Variants in BBS2 observed in about 807,000 individuals in gnomAD.
BBS2 encodes the protein BBSome complex member BBS2.
Under a neutral mutation model 83.0 loss-of-function variants are expected in BBS2, and 62 were observed. The observed-to-expected ratio is 0.75, with a 90% CI of 0.61 to 0.92. The LOEUF (loss-of-function observed/expected upper bound fraction) is 0.92. Ranked by LOEUF, BBS2 falls within the 40% of genes least tolerant of loss-of-function variation. The pLI, the probability that BBS2 is intolerant of heterozygous loss-of-function variation, is 0.00. For synonymous variants in BBS2, 303 were observed against 326.1 expected (o/e 0.93, Z 0.76); for missense variants, 784 against 901.0 (o/e 0.87, Z 1.66).
chr16:56,511,793 T>C (rs1364707378), intron 2 of BBS2, among the ~76,000 whole-genome samples: 12 of 152,330 alleles, frequency 7.9e-5, no homozygotes, highest in African/African-American at 2.9e-4. Context: ...AAAAACGATG[T>C]GACCTTGAAA....
chr16:56,518,915 T>C (rs1465261734), intron 1 of BBS2, among the ~76,000 whole-genome samples: 1 of 151,160 alleles, frequency 6.6e-6, no homozygotes, highest in Non-Finnish European at 1.5e-5. Flanking sequence ...TCGCACATAG[T>C]AAACACCTAA....
chr16:56,498,012 A>G, intron 13 of BBS2, 132 bp from the exon 14 acceptor site: 6 of 968,570 alleles, frequency 6.2e-6, no homozygotes, highest in South Asian at 1.6e-5. Flanking sequence ...TTGAAAAAGG[A>G]AAGTTTAGCT....
intron 17 of BBS2, chr16:56,477,465 G>A (rs903914395): frequency 6.6e-6 from 1 of 152,200 alleles, no homozygotes; most frequent in South Asian, 2.1e-4. Context: ...TGCAATTGTG[G>A]CCTGTGTATA....
chr16:56,482,952 T>C (rs764950695), downstream of BBS2, among the ~76,000 whole-genome samples: 3 of 152,204 alleles, frequency 2.0e-5, no homozygotes, highest in African/African-American at 4.8e-5. Context: ...TGTTTCCCTC[T>C]TACTCTCTTC....
chr16:56,519,746 C>T lies in BBS2; in HGVS notation c.117G>A (p.Lys39=), dbSNP rs755877218. 7 of 1,612,506 alleles carry T rather than the reference C, an allele frequency of 4.3e-6. No individual in the cohort carries two copies. Among genetic ancestry groups the T allele is most frequent in the African/African-American group, 1.3e-5 (1 of 75,024 alleles). ...PCLAAATQTG[K]VFIHNPHTRN... ...GCTCCCTGCGGGTGGGAGCGGTTAC[C>T]TTGCCCGTTTGGGTGGCGGCCGCCA... The change falls in exon 1 of 17, where the codon AAG becomes AAA. Residue 39 remains lysine, a splice_region_variant and synonymous_variant. Transcript: ENST00000245157.
At chr16:56,509,910 GATCT>G in intron 5 of BBS2, 43 bp downstream of exon 5, 1 of 1,585,870 alleles carries the variant, frequency 6.3e-7, no homozygotes, top group Non-Finnish European at 8.7e-7. Flanking sequence ...TGACAGTACT[GATCT>G]ATCTTGCTCA....
chr16:56,493,043 T>C (rs1304603153), intron 15 of BBS2, among the ~76,000 whole-genome samples: 2 of 152,066 alleles, frequency 1.3e-5, no homozygotes, highest in Admixed American at 6.5e-5. Flanking sequence ...ATGAGATGTA[T>C]TTCTCTACAC....
intron 15 of BBS2, among the ~76,000 whole-genome samples, chr16:56,490,130 A>ACG (rs1963904818): frequency 1.2e-5 from 1 of 86,796 alleles, no homozygotes; most frequent in African/African-American, 5.8e-5. Flanking sequence ...ACACACACGC[A>ACG]CACACACACA....
At chr16:56,483,663 CTT>C (rs1963697334), downstream of BBS2, among the ~76,000 whole-genome samples, 1 of 151,792 alleles carries the variant, frequency 6.6e-6, no homozygotes, top group South Asian at 2.1e-4. Context: ...TTGCACCCAT[CTT>C]TCAGTGATTA....
rs1964129323 is a variant in BBS2, at chr16:56,496,902, A to T, written c.1910+65T>A. On this transcript the variant is annotated intron_variant, in intron 15 of 16. Transcript: ENST00000245157. ...TATACTTCTATTGGTAACATCTGAG[A>T]GTTGCTATTCCATACTGCTCACATT... 4.6e-6 allele frequency: 5 copies of T among 1,095,316 alleles called. No homozygotes were observed. In the South Asian group the frequency reaches 6.2e-5, roughly 14 times the overall value. 67.8% of individuals were successfully genotyped at this position (1,095,316 alleles called of 1,614,324 possible).
At chr16:56,472,314 G>T (rs1321999716) in intron 17 of BBS2, among the ~76,000 whole-genome samples, 1 of 152,050 alleles carries the variant, frequency 6.6e-6, no homozygotes, top group Non-Finnish European at 1.5e-5. Flanking sequence ...ATTTTTACGG[G>T]AACCTGCAAC....
downstream of BBS2, among the ~76,000 whole-genome samples, chr16:56,479,802 TCTTC>T (rs1373618224): frequency 6.6e-6 from 1 of 152,240 alleles, no homozygotes; most frequent in African/African-American, 2.4e-5. Context: ...CCTGGATGGA[TCTTC>T]CTTCAGCTCC....
At chr16:56,483,419 C>T (rs1182429940), downstream of BBS2, among the ~76,000 whole-genome samples, 1 of 152,146 alleles carries the variant, frequency 6.6e-6, no homozygotes, top group African/African-American at 2.4e-5. Context: ...GTCACCCAAA[C>T]CTTTTTCCTT....
chr16:56,504,684 C>T (rs1438515083), intron 7 of BBS2, among the ~76,000 whole-genome samples: 1 of 152,168 alleles, frequency 6.6e-6, no homozygotes, highest in Non-Finnish European at 1.5e-5. Flanking sequence ...ACTATAAAAA[C>T]ATCTAGGTCA....
chr16:56,493,787 C>T (rs570022576), intron 15 of BBS2, among the ~76,000 whole-genome samples: 2 of 152,254 alleles, frequency 1.3e-5, no homozygotes, highest in East Asian at 1.9e-4. Flanking sequence ...AGTAATTTGA[C>T]GGAAACTCCC....
At chr16:56,509,502 AAAAC>A (rs1281494834) in intron 5 of BBS2, 99 of 188,552 alleles carry the variant, frequency 5.3e-4, no homozygotes, top group South Asian at 1.8e-3. Context: ...ACTCTGCCTC[AAAAC>A]AAACAAACAA....
At chr16:56,502,547 C>T (rs1964305153) in intron 8 of BBS2, 91 bp from the exon 9 acceptor site, 2 of 1,607,932 alleles carry the variant, frequency 1.2e-6, no homozygotes, top group South Asian at 2.2e-5. Flanking sequence ...AAGTTCTCCC[C>T]AACTTTGGTG....
intron 15 of BBS2, among the ~76,000 whole-genome samples, chr16:56,492,653 C>T (rs1963991308): frequency 6.6e-6 from 1 of 152,016 alleles, no homozygotes; most frequent in Non-Finnish European, 1.5e-5. Context: ...TGTGGTCTTA[C>T]CACAATAAAA....
chr16:56,497,321 C>T (rs1262674534), intron 14 of BBS2: 1 of 563,852 alleles, frequency 1.8e-6, no homozygotes, highest in Non-Finnish European at 3.2e-6. Flanking sequence ...GGAGCCCCCA[C>T]AACACACATA....
Sources: gnomAD v4.1 joint callset for allele counts (sites outside exome capture counted in the v4.1 genomes callset) on GRCh38, gnomAD v4.1.1 for gene constraint, MANE v1.5 for transcripts, NCBI Gene and HGNC (gene_info 2026-07-23, HGNC 2026-07-21) for gene names.